TUT7: variants seen among roughly 807,000 people sequenced by gnomAD.
The protein encoded by TUT7 is terminal uridylyltransferase 7.
In TUT7, 33 loss-of-function variants were observed where a neutral mutation model predicts 165.9. That is an observed-to-expected ratio of 0.20 (90% CI 0.15 to 0.27). The LOEUF is 0.27. Ranked by LOEUF, TUT7 falls within the 10% of genes least tolerant of loss-of-function variation. The pLI is 1.00. For missense variants in TUT7, 1,338 were observed against 1,762.3 expected (o/e 0.76, Z 4.31); for synonymous variants, 552 against 608.1 (o/e 0.91, Z 1.36).
rs368767143 is a variant in TUT7, at chr9:86,306,294, C to T, written c.3839-1055G>A. Reference sequence around the variant, plus strand: ...ACTTGCCAGGTATGCTTCTAGTGAACGGTAACTGAGGTGTACCATATTGAG... The same window carrying T: ...ACTTGCCAGGTATGCTTCTAGTGAATGGTAACTGAGGTGTACCATATTGAG... On this transcript the variant is annotated intron_variant, in intron 22 of 26. Coordinates refer to ENST00000375963, the MANE Select transcript of TUT7 (RefSeq NM_024617.4). Among the ~76,000 whole-genome samples, 8 of 152,250 alleles carry T rather than the reference C, an allele frequency of 5.3e-5. No individual in the cohort carries two copies. In the East Asian group the frequency reaches 1.2e-3, roughly 22 times the overall value.
chr9:86,340,008 G>A (rs774950786), intron 8 of TUT7, 28 bp downstream of exon 8: 6 of 1,587,402 alleles, frequency 3.8e-6, no homozygotes. Context: ...TTGAGAGTTA[G>A]TAAATAAACA....
chr9:86,326,183 C>T (rs1829779845), intron 11 of TUT7, among the ~76,000 whole-genome samples: 1 of 152,192 alleles, frequency 6.6e-6, no homozygotes, highest in African/African-American at 2.4e-5. Flanking sequence ...TGCTCTGTGA[C>T]TTAGCTTCTT....
At position 86,311,589 on chromosome 9, in the gene TUT7, T is replaced by TCTC. The variant is rs1828058935; in HGVS notation, c.3275-781_3275-780insGAG. Among the ~76,000 whole-genome samples, 5 of 149,974 alleles carry TCTC rather than the reference T, an allele frequency of 3.3e-5. No individual in the cohort carries two copies. Among genetic ancestry groups the TCTC allele is most frequent in the Non-Finnish European group, 4.4e-5 (3 of 67,534 alleles). Reference sequence around the variant, plus strand: ...TCCTCTCCCTCTCCCTCTCCCCTCTTCCCTCTCCCCTCTCCCCACGGTCTC... The same window carrying TCTC: ...TCCTCTCCCTCTCCCTCTCCCCTCTTCTCCCCTCTCCCCTCTCCCCACGGTCTC... On this transcript the variant is annotated intron_variant, in intron 17 of 26. Transcript: ENST00000375963. The surrounding 1 kb of genome is among the most constrained non-coding windows in gnomAD (Gnocchi z 4.4).
intron 2 of TUT7, among the ~76,000 whole-genome samples, chr9:86,347,446 G>A (rs1405178131): frequency 2.6e-5 from 4 of 152,086 alleles, no homozygotes; most frequent in African/African-American, 4.8e-5. Context: ...TAAACCTACT[G>A]AAAAGCCCTA....
rs1484246388 is a variant in TUT7 at position 86,311,070 on chromosome 9, G to A, written c.3275-261C>T. On this transcript the variant is annotated intron_variant, in intron 17 of 26. Transcript: ENST00000375963. The surrounding 1 kb of genome is among the most constrained non-coding windows in gnomAD (Gnocchi z 4.4). ...CCTCTGGGAACTTACTGGATCGTAT[G>A]TGCACACGTGTGCATGTGTGTATAT... 6.6e-6 allele frequency among the ~76,000 whole-genome samples: 1 copy of A among 152,210 alleles called. No homozygotes were observed. The highest frequency in any genetic ancestry group is 2.4e-5 in the African/African-American group (1 of 41,452).
intron 2 of TUT7, chr9:86,352,412 A>C (rs932399414): frequency 1.1e-5 from 6 of 538,092 alleles, no homozygotes; most frequent in Non-Finnish European, 2.0e-5. Flanking sequence ...TTCTGTAAAA[A>C]ACACGTTACA....
rs776842478 is a variant in TUT7, at chr9:86,345,152, C to T, written c.822G>A (p.Glu274=). The part of the protein sequence containing the change: ...KEKRHKKNIK[E]KQEEELLTTL... ...TAGTGAGCAACTCTTCCTCTTGCTT[C>T]TCCTTTTAAGATCAAATGTTGAGAT... Residue 274 remains glutamate, a splice_region_variant and synonymous_variant, in exon 5 of 27, where the codon GAG becomes GAA. Coordinates refer to ENST00000375963, the MANE Select transcript of TUT7 (RefSeq NM_024617.4). 8 of 1,602,388 alleles carry T rather than the reference C, an allele frequency of 5.0e-6. No individual in the cohort carries two copies. Among genetic ancestry groups the T allele is most frequent in the Non-Finnish European group, 6.8e-6 (8 of 1,175,824 alleles).
intron 14 of TUT7, among the ~76,000 whole-genome samples, chr9:86,321,483 C>G (rs1020645239): frequency 2.4e-4 from 36 of 152,160 alleles, no homozygotes; most frequent in African/African-American, 8.4e-4. Flanking sequence ...AATCCCAGCT[C>G]TTTCGGAGAC....
At chr9:86,310,087 G>A in intron 18 of TUT7, 70 bp from the exon 19 acceptor site, 2 of 1,309,280 alleles carry the variant, frequency 1.5e-6, no homozygotes, top group South Asian at 2.6e-5. Context: ...TTTTTTGGTT[G>A]TTGTTTTAAA....
chr9:86,317,161 T>G (rs1245969351), intron 17 of TUT7, 58 bp downstream of exon 17: 16 of 1,477,674 alleles, frequency 1.1e-5, no homozygotes, highest in South Asian at 1.0e-4. Flanking sequence ...AAGGGAAGAC[T>G]ATAGAAAACA....
Position 86,328,354 on chromosome 9 carries a change from T to TCGG in TUT7, c.1591_1593dup (p.Pro531dup). ...AGAGAACAGACCTGTCCCCTTTTAA[T>TCGG]CGGCGTTTCTCTTGGTGCCTCTTCT... On this transcript the variant is annotated inframe_insertion, in exon 11 of 27. Transcript: ENST00000375963. 2 of 1,602,294 alleles carry TCGG rather than the reference T, an allele frequency of 1.2e-6. No individual in the cohort carries two copies. Among genetic ancestry groups the TCGG allele is most frequent in the Non-Finnish European group, 1.7e-6 (2 of 1,175,262 alleles).
Position 86,328,392 on chromosome 9 carries a change from G to C in TUT7, c.1556C>G (p.Thr519Arg), listed in dbSNP as rs768792867. 6.2e-7 allele frequency: 1 copy of C among 1,611,846 alleles called. No individual in the cohort carries two copies. The highest frequency in any genetic ancestry group is 1.7e-5 in the Admixed American group (1 of 59,766). The change falls in exon 11 of 27, where the codon ACA becomes AGA. Residue 519 changes from threonine (T) to arginine (R), a missense_variant. Physicochemically the swap from Thr to Arg is moderately conservative, Grantham distance 71. Transcript: ENST00000375963. Reference protein sequence around the residue: ...WEHTDSAAGDTGITKEEAPRE... With the variant: ...WEHTDSAAGDRGITKEEAPRE... The stretch of plus-strand genomic sequence containing the variant: ...TGGTGCCTCTTCTTTTGTTATGCCT[G>C]TGTCCCCTGCAGCACTGTCAGTATG...
chr9:86,348,642 A>G (rs1831986262), intron 2 of TUT7, among the ~76,000 whole-genome samples: 1 of 152,074 alleles, frequency 6.6e-6, no homozygotes, highest in South Asian at 2.1e-4. Context: ...GGTCCCAGCT[A>G]CTCAGGAGGC....
intron 22 of TUT7, among the ~76,000 whole-genome samples, chr9:86,307,061 A>C (rs552601810): frequency 6.6e-6 from 1 of 152,230 alleles, no homozygotes; most frequent in East Asian, 1.9e-4. Flanking sequence ...ACCTGAGCTG[A>C]GGAGTTCGAA....
At chr9:86,353,641 T>C (rs181526283) in intron 1 of TUT7, among the ~76,000 whole-genome samples, 1 of 152,314 alleles carries the variant, frequency 6.6e-6, no homozygotes, top group Admixed American at 6.5e-5. Flanking sequence ...GTTTTTTAAG[T>C]TGGCAATTAC....
chr9:86,320,576 G>A (rs1009020104), intron 14 of TUT7, among the ~76,000 whole-genome samples: 1 of 152,182 alleles, frequency 6.6e-6, no homozygotes, highest in Non-Finnish European at 1.5e-5. Context: ...TAAGAGAGAA[G>A]GGAGTGTGTA....
At position 86,328,413 on chromosome 9, in the gene TUT7, G is replaced by T. The variant is rs1230324728; in HGVS notation, c.1535C>A (p.Thr512Asn). The change falls in exon 11 of 27, where the codon ACT (threonine) becomes AAT (asparagine). Residue 512 changes from threonine (T) to asparagine (N), a missense_variant. Thr to Asn is a moderately conservative substitution (Grantham distance 65). Transcript: ENST00000375963. ...GCCTGTGTCCCCTGCAGCACTGTCA[G>T]TATGTTCCCAGATCACAACATCTTT... The part of the protein sequence containing the change: ...IEKDVVIWEH[T>N]DSAAGDTGIT... 1.2e-5 allele frequency: 20 copies of T among 1,613,146 alleles called. No individual in the cohort carries two copies. The highest frequency in any genetic ancestry group is 1.6e-5 in the Non-Finnish European group (19 of 1,179,602).
chr9:86,315,665 A>C (rs949343285), intron 17 of TUT7, among the ~76,000 whole-genome samples: 2 of 152,160 alleles, frequency 1.3e-5, no homozygotes, highest in African/African-American at 4.8e-5. Flanking sequence ...AACAAAACAA[A>C]ACACATGATC....
chr9:86,354,011 C>T (rs1325340384), intron 1 of TUT7, among the ~76,000 whole-genome samples: 4 of 152,206 alleles, frequency 2.6e-5, no homozygotes, highest in Admixed American at 6.5e-5. Flanking sequence ...GGAGGCGTCC[C>T]TGCACTCCTG....
Sources: allele counts gnomAD v4.1 joint callset (sites outside exome capture counted in the v4.1 genomes callset), GRCh38; gene constraint gnomAD v4.1.1; non-coding constraint Gnocchi (gnomAD v3.1); transcripts MANE v1.5; gene names NCBI Gene and HGNC (gene_info 2026-07-23, HGNC 2026-07-21).